The following SLC49A4 variants were observed in gnomAD, a reference collection of about 807,000 sequenced individuals.
SLC49A4 encodes solute carrier family 49 member 4, also known as disrupted in renal cancer protein 2.
SLC49A4 carries 36 observed loss-of-function variants against 50.6 expected under a neutral mutation model. The ratio of observed to expected loss-of-function variants is 0.71; its 90% CI spans 0.55 to 0.94. SLC49A4 has a LOEUF of 0.94. Among genes scored for constraint, SLC49A4 ranks in the 40% least tolerant of loss-of-function variants. The pLI, the probability that SLC49A4 is intolerant of heterozygous loss-of-function variation, is 0.00. For synonymous variants in SLC49A4, 248 were observed against 241.2 expected (o/e 1.03, Z -0.26); for missense variants, 503 against 605.7 (o/e 0.83, Z 1.78).
At chr3:122,867,005 G>C (rs944245589) in intron 7 of SLC49A4, among the ~76,000 whole-genome samples, 1 of 152,154 alleles carries the variant, frequency 6.6e-6, no homozygotes, top group East Asian at 1.9e-4. Context: ...GTATAAGAGT[G>C]ATCTGAGGAT....
At chr3:122,808,744 G>A (rs1432280623) in intron 2 of SLC49A4, among the ~76,000 whole-genome samples, 3 of 152,204 alleles carry the variant, frequency 2.0e-5, no homozygotes, top group Non-Finnish European at 4.4e-5. Context: ...GGAAAGTTGG[G>A]AAACAAGTGC....
intron 4 of SLC49A4, among the ~76,000 whole-genome samples, chr3:122,845,186 A>G (rs1441983543): frequency 2.0e-5 from 3 of 152,002 alleles, no homozygotes; most frequent in Admixed American, 6.6e-5. Flanking sequence ...CTTGATGTTT[A>G]GCTCCCACTG....
At chr3:122,808,377 AG>A (rs1413315541) in intron 2 of SLC49A4, among the ~76,000 whole-genome samples, 2 of 152,242 alleles carry the variant, frequency 1.3e-5, no homozygotes, top group Non-Finnish European at 2.9e-5. Context: ...GATTTCAGAA[AG>A]AAAAACCTAA....
chr3:122,847,904 A>G lies in SLC49A4; in HGVS notation c.942+2033A>G, dbSNP rs147257945. ...ATCTTGTACAACTGTGTCATCCTGT[A>G]TAGTAGCTACTAGCCACATTCAAAA... On this transcript the variant is annotated intron_variant, in intron 5 of 8. Coordinates refer to ENST00000261038, the MANE Select transcript of SLC49A4 (RefSeq NM_032839.3). 2.1e-3 allele frequency among the ~76,000 whole-genome samples: 314 copies of G among 152,368 alleles called. 1 individual carries two copies. Among genetic ancestry groups the G allele is most frequent in the African/African-American group, 6.9e-3 (287 of 41,592 alleles).
rs926318938 is a variant in SLC49A4, at chr3:122,795,087, G to GACC, written c.-103_-101dup. The GACC allele has an allele frequency of 1.7e-6, 2 of 1,200,770 alleles. No individual in the cohort carries two copies. Among genetic ancestry groups the GACC allele is most frequent in the African/African-American group, 3.2e-5 (2 of 63,366 alleles). The allele number at this position is 1,200,770 out of a possible 1,614,324, so 74.4% of individuals were successfully genotyped here. On this transcript the variant is annotated 5_prime_UTR_variant, in exon 1 of 9. Transcript: ENST00000261038. ...CAGGCGCGGTCCGGAGGCCGAGGGC[G>GACC]ACCACAGCAGCCTCCGCCTCCTGCT... is the stretch of plus-strand genomic sequence containing the variant.
chr3:122,805,546 A>G lies in SLC49A4; in HGVS notation c.344-1311A>G, dbSNP rs188379626. ...AAAGAAATATTACATCAGTCAGTTTATGTCTATTCTCTGTGTGAAGTGGTT... is the reference window on the plus strand; with the variant it reads ...AAAGAAATATTACATCAGTCAGTTTGTGTCTATTCTCTGTGTGAAGTGGTT... On this transcript the variant is annotated intron_variant, in intron 1 of 8. Transcript: ENST00000261038. 4.6e-5 allele frequency among the ~76,000 whole-genome samples: 7 copies of G among 152,280 alleles called. No homozygotes were observed. The East Asian group carries it at 1.3e-3, about 29-fold the overall frequency.
intron 4 of SLC49A4, among the ~76,000 whole-genome samples, chr3:122,842,485 CAAAAAA>C (rs34914829): frequency 1.0e-4 from 6 of 58,778 alleles, no homozygotes; most frequent in South Asian, 1.1e-3. Flanking sequence ...GACTCCGTCT[CAAAAAA>C]AAAAAAAAAA....
chr3:122,829,873 G>C (rs1314256572), intron 3 of SLC49A4, among the ~76,000 whole-genome samples: 1 of 152,130 alleles, frequency 6.6e-6, no homozygotes. Context: ...AACAAGAAAA[G>C]CAAAAGATAT....
chr3:122,860,337 A>G (rs1275304116), intron 7 of SLC49A4, 135 bp downstream of exon 7: 3 of 776,448 alleles, frequency 3.9e-6, no homozygotes, highest in Admixed American at 8.1e-5. Context: ...TTGTCCAGTC[A>G]TCAAACCATC....
chr3:122,806,538 C>T (rs115509603), intron 1 of SLC49A4, among the ~76,000 whole-genome samples: 1,568 of 152,004 alleles, frequency 0.01, 8 homozygotes, highest in Middle Eastern at 0.051. Flanking sequence ...CCACCACACA[C>T]GGCTAATTTT....
In SLC49A4 at chr3:122,824,602, T is replaced by C. The variant is rs898226745; in HGVS notation, c.438-2198T>C. ...CTCTTTCTTTCTTTCCTGTCTTTCC[T>C]TTCCTTTCTTTTCTTTCTCTTTCTT... On this transcript the variant is annotated intron_variant, in intron 2 of 8. Transcript: ENST00000261038. Among the ~76,000 whole-genome samples the C allele has an allele frequency of 2.0e-5, 3 of 152,006 alleles. No homozygotes were observed. In the South Asian group the frequency reaches 6.2e-4, roughly 32 times the overall value.
At chr3:122,845,488 G>A (rs1444493494) in intron 4 of SLC49A4, among the ~76,000 whole-genome samples, 1 of 152,076 alleles carries the variant, frequency 6.6e-6, no homozygotes, top group South Asian at 2.1e-4. Flanking sequence ...GGGTCAAATG[G>A]TAATTCTCTT....
chr3:122,853,294 G>A (rs1442823506), intron 5 of SLC49A4, among the ~76,000 whole-genome samples: 1 of 152,110 alleles, frequency 6.6e-6, no homozygotes, highest in Admixed American at 6.5e-5. Context: ...GATCACTTTA[G>A]GGATTAAGTT....
intron 5 of SLC49A4, among the ~76,000 whole-genome samples, chr3:122,851,993 CTT>C (rs368287566): frequency 1.4e-4 from 18 of 128,000 alleles, no homozygotes; most frequent in East Asian, 2.2e-4. Context: ...ATCTTTGATT[CTT>C]TTTTTTTTTT....
intron 8 of SLC49A4, among the ~76,000 whole-genome samples, chr3:122,877,463 A>G (rs984957719): frequency 2.0e-5 from 3 of 152,232 alleles, no homozygotes; most frequent in Admixed American, 2.0e-4. Flanking sequence ...TTACAATTCT[A>G]ATAGTAACGC....
At chr3:122,865,422 C>G (rs962813585) in intron 7 of SLC49A4, among the ~76,000 whole-genome samples, 1 of 152,130 alleles carries the variant, frequency 6.6e-6, no homozygotes, top group Non-Finnish European at 1.5e-5. Context: ...GCATATACTG[C>G]GTATTTTAAT....
intron 7 of SLC49A4, among the ~76,000 whole-genome samples, chr3:122,867,825 C>G (rs1560239292): frequency 6.8e-6 from 1 of 147,844 alleles, no homozygotes; most frequent in Non-Finnish European, 1.5e-5. Flanking sequence ...AGTAAGAATA[C>G]AAAAAATTAG....
chr3:122,839,981 T>C (rs147689111), intron 4 of SLC49A4, among the ~76,000 whole-genome samples: 3 of 152,124 alleles, frequency 2.0e-5, no homozygotes, highest in Non-Finnish European at 4.4e-5. Context: ...TCCAAAGATA[T>C]GGAACCAACC....
intron 1 of SLC49A4, among the ~76,000 whole-genome samples, chr3:122,799,045 A>C (rs1326574513): frequency 6.6e-6 from 1 of 152,150 alleles, no homozygotes; most frequent in African/African-American, 2.4e-5. Flanking sequence ...GACTAGCCAG[A>C]GAGGTAGTAG....
Sources: allele counts gnomAD v4.1 joint callset (sites outside exome capture counted in the v4.1 genomes callset), GRCh38; gene constraint gnomAD v4.1.1; transcripts MANE v1.5; gene names NCBI Gene and HGNC (gene_info 2026-07-23, HGNC 2026-07-21).